APOL6: variants seen among roughly 807,000 people sequenced by gnomAD.
The protein encoded by APOL6 is apolipoprotein L, 6.
A neutral mutation model predicts 2.4 loss-of-function variants in APOL6; 1 was observed. That is an observed-to-expected ratio of 0.41 (90% CI 0.15 to 1.94). The LOEUF is 1.94. APOL6 is among the 30% of genes most tolerant of loss of function. The probability of loss-of-function intolerance (pLI) is 0.30; values close to 1 mark genes in which losing one functional copy is unlikely to be tolerated. For missense variants in APOL6, 438 were observed against 429.2 expected (o/e 1.02, Z -0.18); for synonymous variants, 189 against 169.3 (o/e 1.12, Z -0.90).
Position 35,664,965 on chromosome 22 carries a change from A to G in APOL6, c.*5369A>G, listed in dbSNP as rs1028328997. 2.6e-5 allele frequency: 4 copies of G among 151,986 alleles called. No homozygotes were observed. Among genetic ancestry groups the G allele is most frequent in the Admixed American group, 2.6e-4 (4 of 15,264 alleles). The allele number at this position is 151,986 out of a possible 1,614,324, so 9.4% of individuals were successfully genotyped here. On this transcript the variant is annotated 3_prime_UTR_variant, in exon 3 of 3. Coordinates refer to ENST00000409652, the MANE Select transcript of APOL6 (RefSeq NM_030641.4). ...AAAGCTGAAAAAGAAATAATTTTAT[A>G]TAAGAAAGAATTTTATATGGTAAAT... is the stretch of plus-strand genomic sequence containing the variant.
rs560610184 is a variant in APOL6 at position 35,659,265 on chromosome 22, G to A, written c.701G>A (p.Arg234His). ...GTTLAMTKNA[R>H]VLGGVMSAFS... The stretch of plus-strand genomic sequence containing the variant: ...ACACTGGCGATGACCAAAAATGCTC[G>A]CGTGCTGGGAGGTGTGATGTCCGCC... Residue 234 changes from arginine (R) to histidine (H), a missense_variant, in exon 3 of 3, where the codon CGC (arginine) becomes CAC (histidine). Arg to His is a conservative substitution (Grantham distance 29, BLOSUM62 0). Coordinates refer to ENST00000409652, the MANE Select transcript of APOL6 (RefSeq NM_030641.4). 155 of 1,614,168 alleles carry A rather than the reference G, an allele frequency of 9.6e-5. No individual in the cohort carries two copies. Among genetic ancestry groups the A allele is most frequent in the Admixed American group, 1.2e-4 (7 of 60,016 alleles).
chr22:35,665,312 A>T lies in APOL6; in HGVS notation c.*5716A>T, dbSNP rs1031847536. 1 of 152,136 alleles carries T rather than the reference A, an allele frequency of 6.6e-6. No homozygotes were observed. Among genetic ancestry groups the T allele is most frequent in the Admixed American group, 6.6e-5 (1 of 15,266 alleles). 9.4% of individuals were successfully genotyped at this position (152,136 alleles called of 1,614,324 possible). On this transcript the variant is annotated 3_prime_UTR_variant, in exon 3 of 3. Transcript: ENST00000409652. ...CTCCTGTGTCTGAAAAATCACAAAC[A>T]CTGATGACAATCAAAGCCTCATCTT... is the stretch of plus-strand genomic sequence containing the variant.
intron 1 of APOL6, among the ~76,000 whole-genome samples, chr22:35,653,596 C>T (rs2145954259): frequency 2.0e-5 from 3 of 152,210 alleles, no homozygotes; most frequent in African/African-American, 7.2e-5. Context: ...TGTGTTATCC[C>T]ATGACAGAAG....
Position 35,658,758 on chromosome 22 carries a change from A to G in APOL6, c.194A>G (p.Asp65Gly), listed in dbSNP as rs200425519. The G allele has an allele frequency of 3.1e-6, 5 of 1,614,156 alleles. No homozygotes were observed. The highest frequency in any genetic ancestry group is 2.2e-5 in the East Asian group (1 of 44,864). Reference protein sequence around the residue: ...GNIDKLRALADDIDKTHKKFT... With the variant: ...GNIDKLRALAGDIDKTHKKFT... ...ATTGACAAGCTCCGTGCCCTCGCAG[A>G]CGATATTGACAAAACCCACAAGAAA... The change falls in exon 3 of 3, where the codon GAC (aspartate) becomes GGC (glycine). Residue 65 changes from aspartate to glycine, a missense_variant. Transcript: ENST00000409652.
Position 35,667,982 on chromosome 22 carries a change from CT to C in APOL6, c.*8387del, listed in dbSNP as rs1305485178. On this transcript the variant is annotated 3_prime_UTR_variant, in exon 3 of 3. Transcript: ENST00000409652. The stretch of plus-strand genomic sequence containing the variant: ...GATGGGAAGTGGGAGTCGAACATGC[CT>C]CATCATACCCTCCAGCATTAACATC... The C allele has an allele frequency of 6.6e-6, 1 of 152,136 alleles. No individual in the cohort carries two copies. Among genetic ancestry groups the C allele is most frequent in the Admixed American group, 6.6e-5 (1 of 15,258 alleles). The allele number at this position is 152,136 out of a possible 1,614,324, so 9.4% of individuals were successfully genotyped here. A position where few individuals can be genotyped will look rare whatever the true frequency, so the allele number is the denominator to read the frequency against.
At chr22:35,654,741 A>G (rs1924798720) in intron 1 of APOL6, among the ~76,000 whole-genome samples, 1 of 152,098 alleles carries the variant, frequency 6.6e-6, no homozygotes, top group Non-Finnish European at 1.5e-5. Context: ...ATTACAGTCT[A>G]TGTGGTCATA....
rs1203825338 is a variant in APOL6 at position 35,658,654 on chromosome 22, A to G, written c.90A>G (p.Leu30=). Residue 30 remains leucine, a synonymous_variant, in exon 3 of 3, where the codon CTA becomes CTG. Coordinates refer to ENST00000409652, the MANE Select transcript of APOL6 (RefSeq NM_030641.4). ...DDAPLCEDVE[L]QDGDLSPEEK... is the part of the protein sequence containing the mutation. ...CTCCTCTGTGTGAAGACGTGGAGCT[A>G]CAAGACGGAGATCTGTCCCCCGAAG... The G allele has an allele frequency of 4.3e-6, 7 of 1,614,062 alleles. No homozygotes were observed. Among genetic ancestry groups the G allele is most frequent in the Non-Finnish European group, 5.9e-6 (7 of 1,179,978 alleles).
Position 35,659,354 on chromosome 22 carries a change from A to C in APOL6, c.790A>C (p.Arg264=), listed in dbSNP as rs1174726367. 2 of 1,614,100 alleles carry C rather than the reference A, an allele frequency of 1.2e-6. No individual in the cohort carries two copies. Among genetic ancestry groups the C allele is most frequent in the South Asian group, 1.1e-5 (1 of 91,084 alleles). ...ATGGAAGCACCTGAAGGAAGGAGCAAGGACAAAGTTTGCGGAAGAGTTGAG... is the reference window on the plus strand; with the variant it reads ...ATGGAAGCACCTGAAGGAAGGAGCACGGACAAAGTTTGCGGAAGAGTTGAG... ...KEWKHLKEGA[R]TKFAEELRAK... is the part of the protein sequence containing the mutation. The change falls in exon 3 of 3, where the codon AGG becomes CGG. Residue 264 remains arginine, a synonymous_variant. Transcript: ENST00000409652.
chr22:35,654,706 G>T (rs1052077298), intron 1 of APOL6, among the ~76,000 whole-genome samples: 1 of 151,978 alleles, frequency 6.6e-6, no homozygotes, highest in Non-Finnish European at 1.5e-5. Context: ...TTACTGCTTT[G>T]TTTGGTGAAA....
intron 2 of APOL6, among the ~76,000 whole-genome samples, 161 bp from the exon 3 acceptor site, chr22:35,658,454 G>A (rs1321352616): frequency 1.3e-5 from 2 of 152,154 alleles, no homozygotes; most frequent in African/African-American, 4.8e-5. Context: ...GTAGTTTTCA[G>A]CGAAGGCTGA....
intron 2 of APOL6, among the ~76,000 whole-genome samples, chr22:35,657,284 T>A (rs1481948064): frequency 6.6e-6 from 1 of 152,188 alleles, no homozygotes; most frequent in Non-Finnish European, 1.5e-5. Flanking sequence ...CCGCTTGCCT[T>A]CATCCCACCC....
At chr22:35,656,327 A>G (rs2145955949) in intron 1 of APOL6, 52 bp from the exon 2 acceptor site, 3 of 1,401,352 alleles carry the variant, frequency 2.1e-6, no homozygotes, top group South Asian at 1.2e-5. Context: ...CCTGAATTTC[A>G]TAAGGTTTCA....
rs1244362531 is a variant in APOL6, at chr22:35,659,574, G to T, written c.1010G>T (p.Cys337Phe). The T allele has an allele frequency of 6.2e-7, 1 of 1,611,136 alleles. No homozygotes were observed. The highest frequency in any genetic ancestry group is 1.7e-5 in the Admixed American group (1 of 59,666). Residue 337 changes from cysteine to phenylalanine, a missense_variant, in exon 3 of 3, where the codon TGT (cysteine) becomes TTT (phenylalanine). Physicochemically the swap from Cys to Phe is radical, Grantham distance 205. Transcript: ENST00000409652. ...WLWLCVCLCVCVYVQFT is the reference protein window; with the variant it reads ...WLWLCVCLCVFVYVQFT ...TGGCTGTGTGTGTGTCTGTGTGTCT[G>T]TGTGTATGTACAGTTTACATGAATG...
intron 1 of APOL6, among the ~76,000 whole-genome samples, chr22:35,655,758 A>G (rs1458531751): frequency 6.6e-6 from 1 of 151,920 alleles, no homozygotes; most frequent in Admixed American, 6.6e-5. Flanking sequence ...AACCAAGCAG[A>G]AGCGTATTAA....
rs886372597 is a variant in APOL6, at chr22:35,665,454, A to G, written c.*5858A>G. 9.2e-5 allele frequency: 14 copies of G among 152,160 alleles called. No individual in the cohort carries two copies. Among genetic ancestry groups the G allele is most frequent in the Admixed American group, 2.6e-4 (4 of 15,258 alleles). 9.4% of individuals were successfully genotyped at this position (152,160 alleles called of 1,614,324 possible). On this transcript the variant is annotated 3_prime_UTR_variant, in exon 3 of 3. Transcript: ENST00000409652. Reference sequence around the variant, plus strand: ...ACTATTGCGGAAGAGGTGGGCGCGTAAGATTGTAAGGGCCGATTTTGAAAG... The same window carrying G: ...ACTATTGCGGAAGAGGTGGGCGCGTGAGATTGTAAGGGCCGATTTTGAAAG...
chr22:35,652,628 T>C (rs1375234011), intron 1 of APOL6, among the ~76,000 whole-genome samples: 2 of 152,262 alleles, frequency 1.3e-5, no homozygotes, highest in East Asian at 3.8e-4. Flanking sequence ...TAGCCAGTTT[T>C]CCCAGCACCA....
At chr22:35,654,120 T>C (rs1487938447) in intron 1 of APOL6, among the ~76,000 whole-genome samples, 1 of 152,190 alleles carries the variant, frequency 6.6e-6, no homozygotes, top group Non-Finnish European at 1.5e-5. Context: ...CCATGCCCTC[T>C]CTGGGCACAC....
At chr22:35,651,150 T>C (rs1402566756) in intron 1 of APOL6, among the ~76,000 whole-genome samples, 1 of 152,090 alleles carries the variant, frequency 6.6e-6, no homozygotes, top group African/African-American at 2.4e-5. Context: ...TGTATTGGCT[T>C]CCCTAGGGCT....
rs1925236122 is a variant in APOL6, at chr22:35,668,013, C to T, written c.*8417C>T. 6.6e-6 allele frequency: 1 copy of T among 152,216 alleles called. No homozygotes were observed. The highest frequency in any genetic ancestry group is 2.1e-4 in the South Asian group (1 of 4,834). 9.4% of individuals were successfully genotyped at this position (152,216 alleles called of 1,614,324 possible). ...ATACCCTCCAGCATTAACATCAACA[C>T]AGACCTTAAGGCTGATAAGAAGCAT... On this transcript the variant is annotated 3_prime_UTR_variant, in exon 3 of 3. Transcript: ENST00000409652.
Sources: allele counts gnomAD v4.1 joint callset (sites outside exome capture counted in the v4.1 genomes callset), GRCh38; gene constraint gnomAD v4.1.1; transcripts MANE v1.5; gene names NCBI Gene and HGNC (gene_info 2026-07-23, HGNC 2026-07-21).